The following DNAH9 variants were observed in gnomAD, a reference collection of about 807,000 sequenced individuals.
The protein encoded by DNAH9 is DNAH9 variant protein.
A neutral mutation model predicts 471.6 loss-of-function variants in DNAH9; 345 were observed. The ratio of observed to expected loss-of-function variants is 0.73; its 90% CI spans 0.67 to 0.80. DNAH9 has a LOEUF of 0.80. DNAH9 is among the 30% of genes least tolerant of loss of function. DNAH9 has a pLI of 0.00. For missense variants in DNAH9, 5,407 were observed against 5,609.2 expected (o/e 0.96, Z 1.15); for synonymous variants, 2,093 against 2,123.6 (o/e 0.99, Z 0.40).
At chr17:11,666,230 G>A (rs990988413) in intron 15 of DNAH9, among the ~76,000 whole-genome samples, 1 of 152,140 alleles carries the variant, frequency 6.6e-6, no homozygotes, top group African/African-American at 2.4e-5. Context: ...GGAGGTTCAG[G>A]GGGCTTCATC....
chr17:11,931,586 C>T lies in DNAH9; in HGVS notation c.12106-428C>T, dbSNP rs564464658. On this transcript the variant is annotated intron_variant, in intron 63 of 68. Coordinates refer to ENST00000262442, the MANE Select transcript of DNAH9 (RefSeq NM_001372.4). ...CCCTGTACTCTTTTTCCCAGCTTAA[C>T]TCCCAGGCAGTGATTACACCTGCTA... is the stretch of plus-strand genomic sequence containing the variant. Among the ~76,000 whole-genome samples the T allele has an allele frequency of 2.0e-5, 3 of 152,266 alleles. No individual in the cohort carries two copies. In the South Asian group the frequency reaches 6.2e-4, roughly 32 times the overall value.
intron 29 of DNAH9, among the ~76,000 whole-genome samples, 188 bp from the exon 30 acceptor site, chr17:11,741,987 T>G (rs2075439198): frequency 6.6e-6 from 1 of 152,226 alleles, no homozygotes; most frequent in African/African-American, 2.4e-5. Flanking sequence ...AAAGTCTTCA[T>G]GCTAACTGCA....
At chr17:11,669,847 A>G (rs2073946527) in intron 17 of DNAH9, 53 bp downstream of exon 17, 2 of 1,447,162 alleles carry the variant, frequency 1.4e-6, no homozygotes, top group African/African-American at 1.4e-5. Context: ...GAGGAACACC[A>G]TGTTTTTAAA....
intron 50 of DNAH9, among the ~76,000 whole-genome samples, chr17:11,856,565 G>T (rs1285270260): frequency 2.3e-5 from 2 of 88,096 alleles, no homozygotes; most frequent in African/African-American, 9.5e-5. Flanking sequence ...AATTAGCCGG[G>T]CGTGGTGGTG....
chr17:11,798,479 T>G (rs556317412), intron 43 of DNAH9, among the ~76,000 whole-genome samples: 17 of 135,418 alleles, frequency 1.3e-4, no homozygotes, highest in African/African-American at 3.6e-4. Flanking sequence ...GAGAGAGAGA[T>G]AGAGGGTTTG....
intron 21 of DNAH9, 32 bp from the exon 22 acceptor site, chr17:11,694,289 T>C: frequency 6.2e-7 from 1 of 1,612,828 alleles, no homozygotes; most frequent in Non-Finnish European, 8.5e-7. Flanking sequence ...TAGACATTCT[T>C]AACTGGGAAA....
Position 11,669,137 on chromosome 17 carries a change from G to C in DNAH9, c.2805G>C (p.Pro935=), listed in dbSNP as rs146085853. 1 of 1,613,406 alleles carries C rather than the reference G, an allele frequency of 6.2e-7. No individual in the cohort carries two copies. The highest frequency in any genetic ancestry group is 1.1e-5 in the South Asian group (1 of 91,062). ...SLAIPELVFY[P]SLESGVKGGF... is the part of the protein sequence containing the mutation. ...CCATCCCAGAGCTAGTTTTCTATCC[G>C]TCTCTGGAGTCTGGAGTGAAGGGGG... Residue 935 remains proline, a synonymous_variant, in exon 16 of 69, where the codon CCG becomes CCC. Transcript: ENST00000262442.
rs945867716 is a variant in DNAH9 at position 11,716,923 on chromosome 17, G to T, written c.5553-2411G>T. 5.3e-5 allele frequency among the ~76,000 whole-genome samples: 8 copies of T among 152,346 alleles called. No individual in the cohort carries two copies. In the East Asian group the frequency reaches 1.5e-3, roughly 29 times the overall value. ...TGAGCAGTTGTAGAGGAAGCCCAAG[G>T]CTGGGAGAGATAGCAGGCATGGGAT... On this transcript the variant is annotated intron_variant, in intron 26 of 68. Transcript: ENST00000262442.
intron 49 of DNAH9, among the ~76,000 whole-genome samples, chr17:11,836,135 A>T (rs981317188): frequency 3.9e-5 from 6 of 152,190 alleles, no homozygotes; most frequent in Non-Finnish European, 7.3e-5. Flanking sequence ...ATGCACCAGT[A>T]ATCCTCATGG....
Position 11,962,380 on chromosome 17 carries a change from CT to C in DNAH9, c.13233+126del, listed in dbSNP as rs1976285087. 3 of 1,413,438 alleles carry C rather than the reference CT, an allele frequency of 2.1e-6. No individual in the cohort carries two copies. Among genetic ancestry groups the C allele is most frequent in the Non-Finnish European group, 2.8e-6 (3 of 1,078,930 alleles). 87.6% of individuals were successfully genotyped at this position (1,413,438 alleles called of 1,614,324 possible). On this transcript the variant is annotated intron_variant, in intron 68 of 68. Coordinates refer to ENST00000262442, the MANE Select transcript of DNAH9 (RefSeq NM_001372.4). The surrounding 1 kb of genome is among the most constrained non-coding windows in gnomAD (Gnocchi z 4.1). Reference sequence around the variant, plus strand: ...CTTTTTCTCTAGCTAACCTTCTTTCCTTGAGGCCATCAGGCCATTTTTATTT... The same window carrying C: ...CTTTTTCTCTAGCTAACCTTCTTTCCTGAGGCCATCAGGCCATTTTTATTT...
chr17:11,828,127 C>A (rs1000098791), intron 48 of DNAH9, among the ~76,000 whole-genome samples: 1 of 152,170 alleles, frequency 6.6e-6, no homozygotes, highest in Admixed American at 6.5e-5. Context: ...TGCTTCTACT[C>A]TTGCCCCTCT....
intron 26 of DNAH9, among the ~76,000 whole-genome samples, chr17:11,718,577 G>T (rs1433300248): frequency 1.3e-5 from 2 of 152,138 alleles, no homozygotes; most frequent in African/African-American, 4.8e-5. Flanking sequence ...TTATTTTATT[G>T]TTACTGGTAA....
chr17:11,848,451 A>G (rs184652147), intron 49 of DNAH9, among the ~76,000 whole-genome samples: 2 of 151,912 alleles, frequency 1.3e-5, no homozygotes, highest in Non-Finnish European at 2.9e-5. Context: ...ATGGGAGTGC[A>G]TATAGGTTAT....
intron 22 of DNAH9, among the ~76,000 whole-genome samples, chr17:11,698,038 G>C (rs1017227100): frequency 1.4e-5 from 2 of 143,564 alleles, no homozygotes; most frequent in Non-Finnish European, 3.0e-5. Flanking sequence ...TATGTATAAA[G>C]GTTAAAAAAA....
In DNAH9 at chr17:11,756,526, T is replaced by A. The variant is rs1205146659; in HGVS notation, c.6739-42T>A. Reference sequence around the variant, plus strand: ...AATCCCCACAGGCTGGCAAGGCACCTCCCTCCTTCCTCACTGGCATGCCCT... The same window carrying A: ...AATCCCCACAGGCTGGCAAGGCACCACCCTCCTTCCTCACTGGCATGCCCT... On this transcript the variant is annotated intron_variant, in intron 33 of 68. Transcript: ENST00000262442. 2.6e-6 allele frequency: 3 copies of A among 1,165,328 alleles called. No individual in the cohort carries two copies. The East Asian group carries it at 7.0e-5, about 27-fold the overall frequency. The allele number at this position is 1,165,328 out of a possible 1,614,324, so 72.2% of individuals were successfully genotyped here.
In DNAH9 at chr17:11,799,044, T is replaced by C. The variant is rs1465042930; in HGVS notation, c.8420+1251T>C. 2.0e-5 allele frequency among the ~76,000 whole-genome samples: 3 copies of C among 152,250 alleles called. No homozygotes were observed. In the East Asian group the frequency reaches 5.8e-4, roughly 29 times the overall value. On this transcript the variant is annotated intron_variant, in intron 43 of 68. Coordinates refer to ENST00000262442, the MANE Select transcript of DNAH9 (RefSeq NM_001372.4). ...GGCCTTAGTCCCTGGGCACCCTTCC[T>C]CCTCACCCATGTCTCGACTCACTCT...
intron 52 of DNAH9, among the ~76,000 whole-genome samples, chr17:11,872,299 G>A (rs1486236108): frequency 6.6e-6 from 1 of 151,848 alleles, no homozygotes; most frequent in African/African-American, 2.4e-5. Context: ...TCTTATTTGG[G>A]CAGTTCAGCT....
intron 32 of DNAH9, among the ~76,000 whole-genome samples, chr17:11,750,404 G>A (rs1310610678): frequency 6.6e-6 from 1 of 151,850 alleles, no homozygotes; most frequent in Admixed American, 6.6e-5. Context: ...GTACATAAAG[G>A]AATTGGCAAT....
chr17:11,715,578 T>C (rs1483665337), intron 26 of DNAH9, among the ~76,000 whole-genome samples: 1 of 152,192 alleles, frequency 6.6e-6, no homozygotes, highest in Non-Finnish European at 1.5e-5. Context: ...CTAACGTTCC[T>C]GTGTTCCCAC....
Sources: gnomAD v4.1 joint callset for allele counts (sites outside exome capture counted in the v4.1 genomes callset) on GRCh38, gnomAD v4.1.1 for gene constraint, Gnocchi (gnomAD v3.1) non-coding constraint, MANE v1.5 for transcripts, NCBI Gene and HGNC (gene_info 2026-07-23, HGNC 2026-07-21) for gene names.